Variants in ANXA8 observed in about 807,000 individuals in gnomAD.
The protein encoded by ANXA8 is annexin A8.
In ANXA8, 9 loss-of-function variants were observed where a neutral mutation model predicts 26.8. That is an observed-to-expected ratio of 0.34 (90% confidence interval 0.20 to 0.59). The LOEUF (loss-of-function observed/expected upper bound fraction) is 0.59. ANXA8 is among the 20% of genes least tolerant of loss of function. The probability of loss-of-function intolerance (pLI) is 0.84; values close to 1 mark genes in which losing one functional copy is unlikely to be tolerated. For missense variants in ANXA8, 83 were observed against 238.5 expected (o/e 0.35, Z 4.29); for synonymous variants, 39 against 94.8 (o/e 0.41, Z 3.42).
At chr10:47,667,504 G>GT in the ANXA8 span, among the ~76,000 whole-genome samples, 2 of 151,718 alleles carry the variant, frequency 1.3e-5, no homozygotes, top group African/African-American at 4.9e-5. Flanking sequence ...TTTTGTTGTT[G>GT]TTTTTGTTTT....
chr10:47,679,816 G>A, the ANXA8 span, among the ~76,000 whole-genome samples: 1 of 151,894 alleles, frequency 6.6e-6, no homozygotes, highest in Non-Finnish European at 1.5e-5. Flanking sequence ...TACTCAGGTG[G>A]CTAAGGTGGG....
chr10:47,676,160 G>C, the ANXA8 span, among the ~76,000 whole-genome samples: 5 of 151,390 alleles, frequency 3.3e-5, no homozygotes, highest in African/African-American at 1.2e-4. Flanking sequence ...GTCAGGGAGG[G>C]GTAGAAAAGA....
the ANXA8 span, among the ~76,000 whole-genome samples, chr10:47,556,351 C>T: frequency 1.4e-4 from 22 of 151,948 alleles, no homozygotes; most frequent in Non-Finnish European, 2.5e-4. Context: ...AGGTTTCAAG[C>T]CTTTATCCCT....
At chr10:47,620,057 G>T in the ANXA8 span, among the ~76,000 whole-genome samples, 10 of 109,294 alleles carry the variant, frequency 9.1e-5, 1 homozygote, top group Non-Finnish European at 2.0e-4. Context: ...GTTGCCATGG[G>T]ATGGAATATT....
chr10:47,986,450 T>A, the ANXA8 span: 1 of 252,084 alleles, frequency 4.0e-6, no homozygotes, highest in Non-Finnish European at 7.9e-6. Flanking sequence ...TCTATTGACT[T>A]GTTTCTTACT....
At chr10:47,776,165 G>A in the ANXA8 span, among the ~76,000 whole-genome samples, 1,495 of 151,620 alleles carry the variant, frequency 9.9e-3, 23 homozygotes, top group African/African-American at 0.034. Context: ...AAGTTGTCTC[G>A]CCTATTCCTG....
At chr10:47,755,157 A>G in the ANXA8 span, among the ~76,000 whole-genome samples, 7 of 151,320 alleles carry the variant, frequency 4.6e-5, no homozygotes, top group East Asian at 3.9e-4. Context: ...GAATTTTACT[A>G]TGTTGGCCAG....
At chr10:47,683,392 C>G in the ANXA8 span, among the ~76,000 whole-genome samples, 1 of 151,632 alleles carries the variant, frequency 6.6e-6, no homozygotes, top group South Asian at 2.1e-4. Flanking sequence ...CCACGCCCAG[C>G]TAATTTTTTG....
the ANXA8 span, among the ~76,000 whole-genome samples, chr10:47,669,150 TG>T: frequency 2.6e-5 from 4 of 151,884 alleles, no homozygotes; most frequent in Non-Finnish European, 5.9e-5. Context: ...TTTGCCTTGG[TG>T]GGAAAAGCAT....
chr10:47,590,214 T>C, the ANXA8 span: 5 of 146,712 alleles, frequency 3.4e-5, no homozygotes, highest in Admixed American at 2.0e-4. Context: ...AGCCTGTGGT[T>C]CTTGTCAGCT....
At chr10:47,755,369 C>G in the ANXA8 span, among the ~76,000 whole-genome samples, 1 of 152,198 alleles carries the variant, frequency 6.6e-6, no homozygotes, top group Non-Finnish European at 1.5e-5. Context: ...CATTCTCCTG[C>G]CTCAGCCTCC....
the ANXA8 span, among the ~76,000 whole-genome samples, chr10:47,981,026 T>G: frequency 6.6e-6 from 1 of 151,360 alleles, no homozygotes; most frequent in Admixed American, 6.6e-5. Flanking sequence ...GCAATATCTT[T>G]CATGAATATT....
the ANXA8 span, chr10:47,762,842 A>G: frequency 4.3e-6 from 6 of 1,408,840 alleles, no homozygotes; most frequent in Non-Finnish European, 5.5e-6. Context: ...GTCCCGCCCC[A>G]GCCAGTCCCT....
the ANXA8 span, chr10:47,503,582 G>GT: frequency 6.3e-7 from 1 of 1,577,412 alleles, no homozygotes; most frequent in Non-Finnish European, 8.6e-7. Context: ...CAAAAATTGG[G>GT]TAGTGGCTTG....
At chr10:47,593,440 G>T in the ANXA8 span, among the ~76,000 whole-genome samples, 6 of 149,786 alleles carry the variant, frequency 4.0e-5, 1 homozygote, top group East Asian at 1.9e-4. Context: ...TTCCCATAGG[G>T]GCCCAGAAAG....
At chr10:47,970,920 T>G in the ANXA8 span, among the ~76,000 whole-genome samples, 1 of 151,358 alleles carries the variant, frequency 6.6e-6, no homozygotes. Flanking sequence ...GTCAGTTTGA[T>G]GAACACACTA....
the ANXA8 span, among the ~76,000 whole-genome samples, chr10:47,694,173 A>G: frequency 6.6e-6 from 1 of 151,764 alleles, no homozygotes; most frequent in Non-Finnish European, 1.5e-5. Context: ...TTTTCCTATT[A>G]TAAGACATTT....
At chr10:47,667,588 C>T in the ANXA8 span, among the ~76,000 whole-genome samples, 25 of 151,976 alleles carry the variant, frequency 1.6e-4, 2 homozygotes, top group African/African-American at 5.6e-4. Context: ...ATCCCACTCT[C>T]GCCCAGGCTG....
the ANXA8 span, among the ~76,000 whole-genome samples, chr10:47,918,431 A>AAGAAAGAAAGAG: frequency 5.1e-4 from 16 of 31,104 alleles, 1 homozygote; most frequent in East Asian, 2.9e-3. Flanking sequence ...GAAAGAAAGA[A>AAGAAAGAAAGAG]AGAGAGAGAG....
Sources: gnomAD v4.1 joint callset for allele counts (sites outside exome capture counted in the v4.1 genomes callset) on GRCh38, gnomAD v4.1.1 for gene constraint, MANE v1.5 for transcripts, NCBI Gene and HGNC (gene_info 2026-07-23, HGNC 2026-07-21) for gene names.